Variants in LRBA observed in about 807,000 individuals in gnomAD.
LRBA encodes the protein LPS responsive beige-like anchor protein.
LRBA carries 176 observed loss-of-function variants against 330.0 expected under a neutral mutation model. The ratio of observed to expected loss-of-function variants is 0.53; its 90% CI spans 0.47 to 0.60. LRBA has a LOEUF of 0.60. Among genes scored for constraint, LRBA ranks in the 20% least tolerant of loss-of-function variants. The pLI is 0.00. For missense variants in LRBA, 3,259 were observed against 3,444.8 expected (o/e 0.95, Z 1.35); for synonymous variants, 1,230 against 1,193.0 (o/e 1.03, Z -0.64).
intron 40 of LRBA, among the ~76,000 whole-genome samples, chr4:150,578,834 T>TCCTC (rs925209407): frequency 3.3e-5 from 5 of 152,230 alleles, no homozygotes; most frequent in African/African-American, 1.2e-4. Context: ...ACCCTGAATG[T>TCCTC]CCTCCTTCCC....
At chr4:150,937,652 T>G (rs948002856) in intron 2 of LRBA, among the ~76,000 whole-genome samples, 1 of 152,150 alleles carries the variant, frequency 6.6e-6, no homozygotes, top group African/African-American at 2.4e-5. Context: ...GGCCTGAACT[T>G]CATAAACAAT....
rs367755368 is a variant in LRBA at position 150,527,958 on chromosome 4, T to C, written c.6331-36923A>G. 6.6e-5 allele frequency among the ~76,000 whole-genome samples: 10 copies of C among 152,330 alleles called. No homozygotes were observed. In the South Asian group the frequency reaches 1.4e-3, roughly 22 times the overall value. On this transcript the variant is annotated intron_variant, in intron 40 of 56. Transcript: ENST00000651943. ...CTTGAAATCCAGCAATGATTTCCCA[T>C]TGGTTCTGTTAGTCTGTAATTTTAG...
At chr4:150,286,705 G>T (rs1748169278) in intron 53 of LRBA, among the ~76,000 whole-genome samples, 1 of 152,276 alleles carries the variant, frequency 6.6e-6, no homozygotes, top group African/African-American at 2.4e-5. Flanking sequence ...GAGAAGGGGG[G>T]ACAGAGGAGG....
intron 46 of LRBA, among the ~76,000 whole-genome samples, chr4:150,434,947 A>G (rs28490505): frequency 0.058 from 8,770 of 151,658 alleles, 398 homozygotes; most frequent in East Asian, 0.18. Context: ...TCCCTTCAAC[A>G]AAAAGATTCT....
chr4:150,633,925 G>A (rs1283882064), intron 37 of LRBA, among the ~76,000 whole-genome samples: 2 of 152,130 alleles, frequency 1.3e-5, no homozygotes, highest in African/African-American at 4.8e-5. Context: ...GACTAGCCTG[G>A]CCAACATAGT....
intron 40 of LRBA, among the ~76,000 whole-genome samples, chr4:150,561,207 A>T (rs556220049): frequency 2.0e-5 from 3 of 152,168 alleles, no homozygotes; most frequent in African/African-American, 4.8e-5. Flanking sequence ...AAACTGTGTT[A>T]TTCTAAAATC....
intron 36 of LRBA, among the ~76,000 whole-genome samples, chr4:150,730,838 C>T (rs1255067205): frequency 6.6e-6 from 1 of 150,576 alleles, no homozygotes; most frequent in Non-Finnish European, 1.5e-5. Flanking sequence ...ACCAACACAG[C>T]GAAACCCCAT....
chr4:150,953,424 G>A (rs1468006307), intron 2 of LRBA, among the ~76,000 whole-genome samples: 1 of 139,148 alleles, frequency 7.2e-6, no homozygotes, highest in Non-Finnish European at 1.5e-5. Context: ...AGCCAAGGCT[G>A]GACTGTACTG....
rs994222421 is a variant in LRBA at position 150,488,510 on chromosome 4, C to T, written c.6449-676G>A. Among the ~76,000 whole-genome samples the T allele has an allele frequency of 2.0e-5, 3 of 151,324 alleles. No individual in the cohort carries two copies. The Admixed American group carries it at 2.0e-4, about 10-fold the overall frequency. ...CAATAATTTCACATACATGAGAATA[C>T]CAAGAAGTACATGTCAATATGTAAA... On this transcript the variant is annotated intron_variant, in intron 41 of 56. Coordinates refer to ENST00000651943, the MANE Select transcript of LRBA (RefSeq NM_001364905.1).
At chr4:150,685,997 A>G (rs1276296241) in intron 36 of LRBA, among the ~76,000 whole-genome samples, 1 of 152,238 alleles carries the variant, frequency 6.6e-6, no homozygotes, top group Non-Finnish European at 1.5e-5. Flanking sequence ...CACAGGAATC[A>G]TAGTATACTT....
At chr4:150,751,713 T>C (rs1372482695) in intron 35 of LRBA, among the ~76,000 whole-genome samples, 1 of 152,118 alleles carries the variant, frequency 6.6e-6, no homozygotes, top group East Asian at 1.9e-4. Context: ...ACACCTACAG[T>C]GCAAGAAGGA....
At chr4:150,329,268 G>C (rs757837592) in intron 48 of LRBA, among the ~76,000 whole-genome samples, 26 of 152,270 alleles carry the variant, frequency 1.7e-4, no homozygotes, top group Admixed American at 7.8e-4. Context: ...AAATGCAACA[G>C]AAAGGACTTT....
At chr4:150,934,016 C>A (rs541632125) in intron 2 of LRBA, among the ~76,000 whole-genome samples, 1 of 151,510 alleles carries the variant, frequency 6.6e-6, no homozygotes, top group Non-Finnish European at 1.5e-5. Flanking sequence ...AGGGCAAGAC[C>A]CTGTCTCAAA....
intron 40 of LRBA, among the ~76,000 whole-genome samples, chr4:150,500,159 C>T (rs776900647): frequency 5.9e-5 from 9 of 152,102 alleles, no homozygotes; most frequent in Middle Eastern, 6.8e-3. Context: ...ATGCTAATTA[C>T]CCTGATCTGA....
chr4:150,699,495 T>C (rs1052325682), intron 36 of LRBA, among the ~76,000 whole-genome samples: 1 of 152,090 alleles, frequency 6.6e-6, no homozygotes, highest in Non-Finnish European at 1.5e-5. Context: ...TACAACTCTA[T>C]CCAGCAATAG....
rs1004490130 is a variant in LRBA at position 150,590,694 on chromosome 4, G to A, written c.6193+19C>T. 2 of 1,611,152 alleles carry A rather than the reference G, an allele frequency of 1.2e-6. No individual in the cohort carries two copies. The highest frequency in any genetic ancestry group is 1.7e-6 in the Non-Finnish European group (2 of 1,178,468). On this transcript the variant is annotated intron_variant, in intron 39 of 56. Coordinates refer to ENST00000651943, the MANE Select transcript of LRBA (RefSeq NM_001364905.1). The stretch of plus-strand genomic sequence containing the variant: ...TGTCCCAGAGGTAGCTGAAATATCT[G>A]CACAACCACCAAATTTACCGGCAAG...
At chr4:150,949,261 A>T (rs920216360) in intron 2 of LRBA, among the ~76,000 whole-genome samples, 2 of 152,116 alleles carry the variant, frequency 1.3e-5, no homozygotes, top group African/African-American at 4.8e-5. Context: ...CTATTCAACA[A>T]TAAAAAGGAA....
intron 22 of LRBA, among the ~76,000 whole-genome samples, chr4:150,864,226 G>A (rs886738286): frequency 6.6e-6 from 1 of 151,998 alleles, no homozygotes; most frequent in Non-Finnish European, 1.5e-5. Context: ...GTGAGCCACC[G>A]TGCCCGGGCA....
intron 40 of LRBA, among the ~76,000 whole-genome samples, chr4:150,577,359 A>C (rs565140386): frequency 6.6e-6 from 1 of 152,084 alleles, no homozygotes; most frequent in African/African-American, 2.4e-5. Context: ...CAGAGAACTT[A>C]ATAGTGTTTT....
Sources: gnomAD v4.1 joint callset for allele counts (sites outside exome capture counted in the v4.1 genomes callset) on GRCh38, gnomAD v4.1.1 for gene constraint, MANE v1.5 for transcripts, NCBI Gene and HGNC (gene_info 2026-07-23, HGNC 2026-07-21) for gene names.